The following PHKA2 variants were observed in gnomAD, a reference collection of about 807,000 sequenced individuals.
PHKA2 encodes the protein phosphorylase kinase regulatory subunit alpha 2, also known as phosphorylase b kinase regulatory subunit alpha, liver isoform.
Under a neutral mutation model 102.0 loss-of-function variants are expected in PHKA2, and 31 were observed. The observed-to-expected ratio is 0.30, with a 90% CI of 0.23 to 0.41. The LOEUF is 0.41. Among genes scored for constraint, PHKA2 ranks in the 10% least tolerant of loss-of-function variants. The pLI is 1.00. For synonymous variants in PHKA2, 455 were observed against 416.2 expected (o/e 1.09, Z -1.13); for missense variants, 858 against 1,023.1 (o/e 0.84, Z 2.20).
intron 10 of PHKA2, 54 bp from the exon 11 acceptor site, chrX:18,936,204 G>GT (rs1405327980): frequency 3.7e-6 from 3 of 818,441 alleles, no homozygotes; most frequent in African/African-American, 2.0e-5. Flanking sequence ...CATGATTGCT[G>GT]TAACAGCGGT....
Position 18,936,204 on chromosome X carries a change from G to T in PHKA2, c.1042-54C>A, listed in dbSNP as rs770623877. 7.5e-4 allele frequency: 617 copies of T among 818,489 alleles called. 2 individuals are homozygous for T. Among genetic ancestry groups the T allele is most frequent in the Non-Finnish European group, 1.0e-3 (561 of 548,234 alleles). 67.5% of individuals were successfully genotyped at this position (818,489 alleles called of 1,213,427 possible). ...GGAAGGAGGTCTGGTCATGATTGCT[G>T]TAACAGCGGTGCAACATAGAAAAAA... On this transcript the variant is annotated intron_variant, in intron 10 of 32. Coordinates refer to ENST00000379942, the MANE Select transcript of PHKA2 (RefSeq NM_000292.3).
chrX:18,968,585 T>A (rs2048976976), intron 1 of PHKA2, among the ~76,000 whole-genome samples: 1 of 111,475 alleles, frequency 9.0e-6, no homozygotes, highest in South Asian at 3.6e-4. Context: ...CATTGGTCTA[T>A]CTTGAGCTTT....
chrX:18,915,008 A>G (rs2047995878), intron 19 of PHKA2, among the ~76,000 whole-genome samples: 1 of 111,810 alleles, frequency 8.9e-6, no homozygotes, highest in South Asian at 3.8e-4. Context: ...GGGTATATAC[A>G]AACCAAAACA....
chrX:18,983,713 A>C (rs1191945604), intron 1 of PHKA2, 142 bp downstream of exon 1: 3 of 556,101 alleles, frequency 5.4e-6, no homozygotes, highest in Non-Finnish European at 6.4e-6. Context: ...TGGGGTGGTA[A>C]TCACTGGCTA....
At chrX:18,937,936 T>C (rs1241029068) in intron 10 of PHKA2, among the ~76,000 whole-genome samples, 1 of 111,670 alleles carries the variant, frequency 9.0e-6, no homozygotes, top group Non-Finnish European at 1.9e-5. Context: ...CACCCCAAAC[T>C]AGGGCTAAAG....
At chrX:18,910,250 T>G in intron 20 of PHKA2, among the ~76,000 whole-genome samples, 1 of 112,112 alleles carries the variant, frequency 8.9e-6, no homozygotes, top group Non-Finnish European at 1.9e-5. Flanking sequence ...GAGGCTAAGG[T>G]GAGAGGATCG....
At chrX:18,895,268 G>A (rs2047520146) in intron 30 of PHKA2, 77 bp from the exon 31 acceptor site, 2 of 888,170 alleles carry the variant, frequency 2.3e-6, no homozygotes, top group Non-Finnish European at 3.3e-6. Flanking sequence ...AGGCGTGCAT[G>A]CACACACAGC....
chrX:18,906,800 T>C lies in PHKA2; in HGVS notation c.2612A>G (p.Glu871Gly), dbSNP rs1353716134. Residue 871 changes from glutamate to glycine, a missense_variant, in exon 24 of 33, where the codon GAG becomes GGG. By Grantham distance (98) the Glu-to-Gly change is moderately conservative. This residue lies in a region of PHKA2 where 671 missense variants were observed against 745.2 expected (regional missense o/e 0.90). Transcript: ENST00000379942. ...CTCGTAGATGAGTTTTGTGAGCTCC[T>C]CTGGGGGAAGGGGCCTAGAAAGGAG... ...EKIISAPLPP[E>G]ELTKLIYEAS... 8.3e-7 allele frequency: 1 copy of C among 1,210,088 alleles called. No individual in the cohort carries two copies. Among genetic ancestry groups the C allele is most frequent in the South Asian group, 1.8e-5 (1 of 56,980 alleles).
chrX:18,929,264 ATCT>A lies in PHKA2; in HGVS notation c.1285_1287del (p.Arg429del). On this transcript the variant is annotated inframe_deletion, in exon 13 of 33. Coordinates refer to ENST00000379942, the MANE Select transcript of PHKA2 (RefSeq NM_000292.3). ...ACATCAGGTTTGACTGAAGTGGAAAATCTTCTATTTAAGGGATCGATTTCACCA... is the reference window on the plus strand; with the variant it reads ...ACATCAGGTTTGACTGAAGTGGAAAATCTATTTAAGGGATCGATTTCACCA... 1 of 1,174,437 alleles carries A rather than the reference ATCT, an allele frequency of 8.5e-7. No homozygotes were observed. The highest frequency in any genetic ancestry group is 1.8e-5 in the African/African-American group (1 of 56,865).
chrX:18,947,680 T>A (rs2048606467), intron 5 of PHKA2, among the ~76,000 whole-genome samples: 1 of 112,244 alleles, frequency 8.9e-6, no homozygotes, highest in African/African-American at 3.2e-5. Context: ...AAGAAGTCAT[T>A]AGACAAAAAA....
chrX:18,969,612 A>G (rs1250529253), intron 1 of PHKA2, among the ~76,000 whole-genome samples: 2 of 110,808 alleles, frequency 1.8e-5, no homozygotes, highest in African/African-American at 6.6e-5. Context: ...CTAAAGCACC[A>G]GCTTTCTATT....
intron 1 of PHKA2, among the ~76,000 whole-genome samples, chrX:18,969,545 T>G (rs1367468442): frequency 8.9e-6 from 1 of 112,165 alleles, no homozygotes; most frequent in African/African-American, 3.2e-5. Flanking sequence ...CTTCTTTTTT[T>G]TGTTTTTTAT....
intron 29 of PHKA2, 123 bp from the exon 30 acceptor site, chrX:18,897,456 G>A: frequency 1.6e-6 from 1 of 606,651 alleles, no homozygotes; most frequent in Non-Finnish European, 2.5e-6. Context: ...CGCCAGAGAG[G>A]AACACGGTTC....
rs772161902 is a variant in PHKA2 at position 18,950,748 on chromosome X, C to T, written c.454+356G>A. ...AAGAGGCGATTAGGCCCTGAGGACT[C>T]CTCCCATCCTACATATCCTACATGG... On this transcript the variant is annotated intron_variant, in intron 4 of 32. Transcript: ENST00000379942. 9.8e-5 allele frequency among the ~76,000 whole-genome samples: 11 copies of T among 112,511 alleles called. No homozygotes were observed. In the East Asian group the frequency reaches 1.4e-3, roughly 14 times the overall value.
At chrX:18,941,846 G>T (rs1420284814) in intron 7 of PHKA2, among the ~76,000 whole-genome samples, 171 bp from the exon 8 acceptor site, 2 of 112,967 alleles carry the variant, frequency 1.8e-5, no homozygotes, top group African/African-American at 6.4e-5. Context: ...TCCAGCCAAT[G>T]ATTCCTATTC....
rs138405911 is a variant in PHKA2, at chrX:18,921,550, T to C, written c.1794-1349A>G. The stretch of plus-strand genomic sequence containing the variant: ...GTGTTACATAGTTATAACTCCTATA[T>C]GTAATCTATAAATCATATACTAAAT... On this transcript the variant is annotated intron_variant, in intron 17 of 32. Transcript: ENST00000379942. Among the ~76,000 whole-genome samples the C allele has an allele frequency of 6.5e-3, 729 of 112,641 alleles. 6 individuals are homozygous for C. Among genetic ancestry groups the C allele is most frequent in the African/African-American group, 0.022 (670 of 31,051 alleles).
chrX:18,901,606 G>A lies in PHKA2; in HGVS notation c.2909-3C>T, dbSNP rs780902293. ...TGTGGAGGAGTGGATAGGGCGCACT[G>A]GGTGGGAAACACACACACGTGGTTC... On this transcript the variant is annotated splice_polypyrimidine_tract_variant and splice_region_variant and intron_variant, in intron 26 of 32. Transcript: ENST00000379942. 4.8e-5 allele frequency: 55 copies of A among 1,136,691 alleles called. No individual in the cohort carries two copies. The highest frequency in any genetic ancestry group is 6.6e-5 in the Admixed American group (3 of 45,314). 93.7% of individuals were successfully genotyped at this position (1,136,691 alleles called of 1,213,427 possible). A position where few individuals can be genotyped will look rare whatever the true frequency, so the allele number is the denominator to read the frequency against.
At chrX:18,899,513 G>A (rs2047639343) in intron 28 of PHKA2, among the ~76,000 whole-genome samples, 1 of 112,346 alleles carries the variant, frequency 8.9e-6, no homozygotes, top group Non-Finnish European at 1.9e-5. Flanking sequence ...TATGTGGAGG[G>A]TGCATCATCA....
In PHKA2 at chrX:18,894,372, A is replaced by C; in HGVS notation, c.3369T>G (p.His1123Gln). The C allele has an allele frequency of 1.7e-6, 2 of 1,211,806 alleles. No homozygotes were observed. Among genetic ancestry groups the C allele is most frequent in the Non-Finnish European group, 2.2e-6 (2 of 895,473 alleles). Residue 1123 changes from histidine (H) to glutamine (Q), a missense_variant, in exon 32 of 33, where the codon CAT becomes CAG. Around this residue, in one of 2 missense-constraint regions of PHKA2, gnomAD observed 671 missense variants for 745.2 expected, o/e 0.90. Transcript: ENST00000379942. ...GCACGCGGTTCAGCACCGATTCGAC[A>C]TGGACAGCAAACTTGATCTCATGCG... The part of the protein sequence containing the change: ...MTPHEIKFAV[H>Q]VESVLNRVPQ...
Sources: gnomAD v4.1 joint callset for allele counts (sites outside exome capture counted in the v4.1 genomes callset) on GRCh38, gnomAD v4.1.1 for gene constraint, gnomAD v4.1.1 regional missense constraint, MANE v1.5 for transcripts, NCBI Gene and HGNC (gene_info 2026-07-23, HGNC 2026-07-21) for gene names.